The following CDH13 variants were observed in gnomAD, a reference collection of about 807,000 sequenced individuals.
CDH13 encodes the protein cadherin 13.
A neutral mutation model predicts 63.8 loss-of-function variants in CDH13; 24 were observed. The ratio of observed to expected loss-of-function variants is 0.38; its 90% CI spans 0.27 to 0.53. The LOEUF (loss-of-function observed/expected upper bound fraction) is 0.53, where lower values mean the gene tolerates loss of function less well. Among genes scored for constraint, CDH13 ranks in the 20% least tolerant of loss-of-function variants. CDH13 has a pLI of 0.85. For missense variants in CDH13, 1,049 were observed against 903.1 expected (o/e 1.16, Z -2.07); for synonymous variants, 503 against 355.3 (o/e 1.42, Z -4.67).
At chr16:82,968,768 C>T (rs1012452434) in intron 2 of CDH13, among the ~76,000 whole-genome samples, 1 of 152,126 alleles carries the variant, frequency 6.6e-6, no homozygotes, top group East Asian at 1.9e-4. Context: ...TTTGACACTC[C>T]GTTCCCCTCA....
At chr16:83,275,475 A>C (rs1359954324) in intron 5 of CDH13, among the ~76,000 whole-genome samples, 1 of 152,198 alleles carries the variant, frequency 6.6e-6, no homozygotes, top group Non-Finnish European at 1.5e-5. Flanking sequence ...ATTAGTGCTC[A>C]TGCAGGCTTC....
chr16:83,119,801 T>C (rs998804237), intron 3 of CDH13, among the ~76,000 whole-genome samples: 1 of 152,100 alleles, frequency 6.6e-6, no homozygotes, highest in Non-Finnish European at 1.5e-5. Flanking sequence ...TACAGAAACA[T>C]ATGGCAGAAC....
chr16:83,105,337 A>G (rs1342777864), intron 3 of CDH13, among the ~76,000 whole-genome samples: 1 of 152,252 alleles, frequency 6.6e-6, no homozygotes, highest in Admixed American at 6.5e-5. Flanking sequence ...ATCCAGTGAC[A>G]TCCACCATCA....
At chr16:83,681,840 G>A (rs1388472492) in intron 10 of CDH13, among the ~76,000 whole-genome samples, 1 of 152,156 alleles carries the variant, frequency 6.6e-6, no homozygotes, top group Non-Finnish European at 1.5e-5. Context: ...TCTGCGCTGG[G>A]CTACCCCGGC....
intron 1 of CDH13, among the ~76,000 whole-genome samples, chr16:82,782,853 G>T (rs559361660): frequency 2.6e-5 from 4 of 152,078 alleles, no homozygotes; most frequent in Admixed American, 2.0e-4. Context: ...TAAGTTCTGC[G>T]CAGGGGCCTG....
intron 1 of CDH13, among the ~76,000 whole-genome samples, chr16:82,724,807 C>A (rs2032997010): frequency 6.6e-6 from 1 of 152,126 alleles, no homozygotes; most frequent in African/African-American, 2.4e-5. Context: ...GAGCCAGGGA[C>A]AAGAGCAGGG....
chr16:82,928,351 G>T (rs1274209899), intron 2 of CDH13, among the ~76,000 whole-genome samples: 1 of 152,094 alleles, frequency 6.6e-6, no homozygotes, highest in Non-Finnish European at 1.5e-5. Context: ...TCTTCATGTG[G>T]ACCCATTGCA....
intron 8 of CDH13, among the ~76,000 whole-genome samples, chr16:83,664,234 A>T (rs1007081619): frequency 6.6e-6 from 1 of 152,080 alleles, no homozygotes; most frequent in Admixed American, 6.5e-5. Context: ...ATATTCTTTC[A>T]TCTGGCTCCT....
At chr16:82,893,909 C>T (rs759545511) in intron 2 of CDH13, among the ~76,000 whole-genome samples, 8 of 152,344 alleles carry the variant, frequency 5.3e-5, no homozygotes, top group South Asian at 4.1e-4. Context: ...CCCGTCCTCA[C>T]TCCCAATACC....
intron 7 of CDH13, among the ~76,000 whole-genome samples, chr16:83,503,400 A>C (rs1419825666): frequency 6.6e-6 from 1 of 152,212 alleles, no homozygotes; most frequent in East Asian, 1.9e-4. Flanking sequence ...ACAACACGCC[A>C]CATCTACCTG....
At chr16:83,245,745 T>A (rs922327859) in intron 5 of CDH13, among the ~76,000 whole-genome samples, 1 of 152,192 alleles carries the variant, frequency 6.6e-6, no homozygotes, top group African/African-American at 2.4e-5. Flanking sequence ...TTTTAGTTTA[T>A]TTTTATTTTT....
chr16:83,426,182 C>T (rs998948127), intron 6 of CDH13, among the ~76,000 whole-genome samples: 6 of 152,118 alleles, frequency 3.9e-5, no homozygotes, highest in Non-Finnish European at 8.8e-5. Flanking sequence ...ATTAATCACA[C>T]TATGTTCACT....
intron 1 of CDH13, among the ~76,000 whole-genome samples, chr16:82,690,938 G>T (rs1207931153): frequency 6.6e-6 from 1 of 152,200 alleles, no homozygotes; most frequent in Non-Finnish European, 1.5e-5. Flanking sequence ...TAAAGAATCA[G>T]TCATCTAGCT....
intron 13 of CDH13, 118 bp downstream of exon 13, chr16:83,783,590 A>T: frequency 1.2e-6 from 1 of 816,618 alleles, no homozygotes; most frequent in South Asian, 1.4e-5. Context: ...AGAATCATTC[A>T]TCTTTAGTGT....
intron 4 of CDH13, among the ~76,000 whole-genome samples, chr16:83,131,134 C>T (rs1412441796): frequency 6.8e-6 from 1 of 147,552 alleles, no homozygotes; most frequent in Non-Finnish European, 1.5e-5. Flanking sequence ...GATTCCAAAT[C>T]ACTGCTACTC....
intron 2 of CDH13, among the ~76,000 whole-genome samples, chr16:83,006,899 ATTTTTTT>A (rs796613754): frequency 9.9e-5 from 12 of 120,726 alleles, no homozygotes; most frequent in African/African-American, 1.2e-4. Flanking sequence ...CCCAGTTTTG[ATTTTTTT>A]TGTTTGTTTG....
At position 83,602,082 on chromosome 16, in the gene CDH13, CAAAAAAAAAAAAAAAGAACAA is replaced by C. The variant is rs1567797374; in HGVS notation, c.961-371_961-351del. On this transcript the variant is annotated intron_variant, in intron 7 of 13. Transcript: ENST00000567109. ...TACTCTAGAGAGTGAGACTCTGTCTCAAAAAAAAAAAAAAAGAACAACAACAAAAAAAAAAAAAAAAAAAAA... is the reference window on the plus strand; with the variant it reads ...TACTCTAGAGAGTGAGACTCTGTCTCCAACAAAAAAAAAAAAAAAAAAAAA... Among the ~76,000 whole-genome samples, 55 of 32,298 alleles carry C rather than the reference CAAAAAAAAAAAAAAAGAACAA, an allele frequency of 1.7e-3. 1 individual carries two copies. Among genetic ancestry groups the C allele is most frequent in the African/African-American group, 7.9e-3 (50 of 6,324 alleles). The allele number at this position is 32,298 out of a possible 152,430, so 21.2% of individuals were successfully genotyped here.
rs142705210 is a variant in CDH13, at chr16:83,450,795, G to A, written c.782-35682G>A. Among the ~76,000 whole-genome samples, 326 of 152,268 alleles carry A rather than the reference G, an allele frequency of 2.1e-3. 10 individuals are homozygous for A. In the East Asian group the frequency reaches 0.053, roughly 25 times the overall value. The stretch of plus-strand genomic sequence containing the variant: ...TGAGGCAGGAGAATGGCGTGAACCC[G>A]GGAGGCGGAGCTTGCCGTGAGCCGA... On this transcript the variant is annotated intron_variant, in intron 6 of 13. Coordinates refer to ENST00000567109, the MANE Select transcript of CDH13 (RefSeq NM_001257.5).
chr16:83,087,223 C>G (rs1263013856), intron 3 of CDH13, among the ~76,000 whole-genome samples: 3 of 152,132 alleles, frequency 2.0e-5, no homozygotes, highest in Admixed American at 2.0e-4. Context: ...TGATCAATGA[C>G]TTAATTTGAC....
Sources: allele counts gnomAD v4.1 joint callset (sites outside exome capture counted in the v4.1 genomes callset), GRCh38; gene constraint gnomAD v4.1.1; transcripts MANE v1.5; gene names NCBI Gene and HGNC (gene_info 2026-07-23, HGNC 2026-07-21).